The following ADD3 variants were observed in gnomAD, a reference collection of about 807,000 sequenced individuals.
ADD3 encodes gamma-adducin.
A neutral mutation model predicts 80.2 loss-of-function variants in ADD3; 25 were observed. That is an observed-to-expected ratio of 0.31 (90% confidence interval 0.23 to 0.44). The LOEUF (loss-of-function observed/expected upper bound fraction) is 0.44, where lower values mean the gene tolerates loss of function less well. Among genes scored for constraint, ADD3 ranks in the 20% least tolerant of loss-of-function variants. ADD3 has a pLI of 1.00. For missense variants in ADD3, 829 were observed against 847.5 expected, an observed-to-expected ratio of 0.98 and a Z score of 0.27; for synonymous variants, 284 against 289.6, an observed-to-expected ratio of 0.98 and a Z score of 0.20.
chr10:110,070,942 GGT>G lies in ADD3; in HGVS notation c.-29-29682_-29-29681del, dbSNP rs200983852. ...AGTAGGCCTACAAACACATCATGTGGGTTTTTTTTTTTGTTTGTTTTTAGTTT... is the reference window on the plus strand; with the variant it reads ...AGTAGGCCTACAAACACATCATGTGGTTTTTTTTTTGTTTGTTTTTAGTTT... On this transcript the variant is annotated intron_variant, in intron 1 of 14. Coordinates refer to ENST00000356080, the MANE Select transcript of ADD3 (RefSeq NM_016824.5). 4.3e-3 allele frequency among the ~76,000 whole-genome samples: 351 copies of G among 82,072 alleles called. 4 individuals carry two copies. The African/African-American group carries it at 0.054, about 13-fold the overall frequency. 53.8% of individuals were successfully genotyped at this position (82,072 alleles called of 152,430 possible). A position where few individuals can be genotyped will look rare whatever the true frequency, so the allele number is the denominator to read the frequency against.
chr10:110,072,040 A>G (rs1041951892), intron 1 of ADD3, among the ~76,000 whole-genome samples: 12 of 152,186 alleles, frequency 7.9e-5, no homozygotes, highest in African/African-American at 2.9e-4. Flanking sequence ...AAGGGACATT[A>G]TTCATTTACC....
intron 1 of ADD3, among the ~76,000 whole-genome samples, chr10:110,015,058 A>G (rs1258892921): frequency 6.6e-6 from 1 of 152,030 alleles, no homozygotes; most frequent in Non-Finnish European, 1.5e-5. Flanking sequence ...TATTTTTAGT[A>G]GAGATGGGGT....
chr10:109,998,344 T>G (rs1373244332), intron 1 of ADD3, among the ~76,000 whole-genome samples: 1 of 152,174 alleles, frequency 6.6e-6, no homozygotes, highest in Non-Finnish European at 1.5e-5. Flanking sequence ...ACTCAACTCA[T>G]GTACTCCATC....
chr10:110,069,583 T>C (rs913550325), intron 1 of ADD3, among the ~76,000 whole-genome samples: 1 of 152,220 alleles, frequency 6.6e-6, no homozygotes, highest in Middle Eastern at 3.4e-3. Context: ...CCATTAAATC[T>C]ACCTTGCTTA....
chr10:110,046,619 A>G (rs1234891809), intron 1 of ADD3, among the ~76,000 whole-genome samples: 2 of 152,208 alleles, frequency 1.3e-5, no homozygotes, highest in Non-Finnish European at 2.9e-5. Flanking sequence ...AGCCAAGGGT[A>G]TTCAAATTCT....
At chr10:110,100,081 G>T (rs1236071750) in intron 1 of ADD3, among the ~76,000 whole-genome samples, 1 of 152,166 alleles carries the variant, frequency 6.6e-6, no homozygotes, top group East Asian at 1.9e-4. Flanking sequence ...GGGCACAGTG[G>T]CTCATGCCTA....
chr10:110,044,613 A>G (rs958153619), intron 1 of ADD3, among the ~76,000 whole-genome samples: 2 of 152,262 alleles, frequency 1.3e-5, no homozygotes, highest in African/African-American at 4.8e-5. Flanking sequence ...TATTTCAGAT[A>G]CAGTTAGTGA....
intron 4 of ADD3, among the ~76,000 whole-genome samples, chr10:110,116,828 T>G (rs1404552299): frequency 6.6e-6 from 1 of 152,264 alleles, no homozygotes; most frequent in African/African-American, 2.4e-5. Context: ...ATTTTTATTT[T>G]GCCACACTTG....
intron 1 of ADD3, among the ~76,000 whole-genome samples, chr10:110,099,137 C>T (rs926026882): frequency 1.3e-5 from 2 of 149,254 alleles, no homozygotes; most frequent in Non-Finnish European, 3.0e-5. Flanking sequence ...CTATGTTGCC[C>T]AGGTTGATCT....
chr10:110,086,562 C>G (rs1378361119), intron 1 of ADD3, among the ~76,000 whole-genome samples: 1 of 152,068 alleles, frequency 6.6e-6, no homozygotes, highest in Non-Finnish European at 1.5e-5. Flanking sequence ...AGTACCATCC[C>G]CCTAGTGCTA....
At chr10:110,075,469 CTGAA>C (rs1845283462) in intron 1 of ADD3, 1 of 152,140 alleles carries the variant, frequency 6.6e-6, no homozygotes, top group Non-Finnish European at 1.5e-5. Context: ...GCTTGTGTCT[CTGAA>C]TGTGCAGTAT....
At chr10:109,997,332 G>T (rs1851400340) in intron 1 of ADD3, among the ~76,000 whole-genome samples, 1 of 152,196 alleles carries the variant, frequency 6.6e-6, no homozygotes, top group African/African-American at 2.4e-5. Context: ...CTGCAGCAAT[G>T]AGGTAAAAAA....
intron 1 of ADD3, among the ~76,000 whole-genome samples, chr10:110,078,191 A>G (rs565294420): frequency 7.9e-5 from 12 of 152,112 alleles, no homozygotes; most frequent in African/African-American, 2.9e-4. Flanking sequence ...CAGGTGTGGT[A>G]TCATAGCAAA....
At chr10:110,041,918 T>TC (rs1190367439) in intron 1 of ADD3, among the ~76,000 whole-genome samples, 2 of 152,048 alleles carry the variant, frequency 1.3e-5, no homozygotes, top group Non-Finnish European at 2.9e-5. Flanking sequence ...CCATGGATTC[T>TC]CCCCCCAAAA....
intron 1 of ADD3, among the ~76,000 whole-genome samples, chr10:110,029,526 T>C (rs1854737994): frequency 6.6e-6 from 1 of 152,216 alleles, no homozygotes; most frequent in Non-Finnish European, 1.5e-5. Context: ...GAGATATTTA[T>C]TTGAAAATTT....
intron 1 of ADD3, among the ~76,000 whole-genome samples, chr10:110,065,538 C>CTTTTTTTTTTTTTTT (rs1843804683): frequency 1.6e-3 from 19 of 11,740 alleles, no homozygotes; most frequent in East Asian, 0.011. Context: ...CTCTCTCTCC[C>CTTTTTTTTTTTTTTT]CTTTTTTTTT....
At chr10:110,073,394 G>A (rs1286225490) in intron 1 of ADD3, among the ~76,000 whole-genome samples, 9 of 151,930 alleles carry the variant, frequency 5.9e-5, no homozygotes, top group Non-Finnish European at 1.0e-4. Flanking sequence ...CACCCGCCTC[G>A]GCCTCCCAAA....
intron 1 of ADD3, among the ~76,000 whole-genome samples, chr10:110,056,218 A>T (rs1858175636): frequency 6.6e-6 from 1 of 152,234 alleles, no homozygotes; most frequent in African/African-American, 2.4e-5. Context: ...ATAGGTTCTG[A>T]TGATGCTCAA....
rs1853534808 is a variant in ADD3 at position 110,135,480 on chromosome 10, G to GA, written c.*1867dup. 6.6e-6 allele frequency: 1 copy of GA among 152,542 alleles called. No individual in the cohort carries two copies. Among genetic ancestry groups the GA allele is most frequent in the Admixed American group, 6.5e-5 (1 of 15,274 alleles). 9.4% of individuals were successfully genotyped at this position (152,542 alleles called of 1,614,324 possible). On this transcript the variant is annotated 3_prime_UTR_variant, in exon 15 of 15. Coordinates refer to ENST00000356080, the MANE Select transcript of ADD3 (RefSeq NM_016824.5). ...AGCCAATGAACCTCTGTGTCCTGTG[G>GA]AAAAATGTATAAATGTTATCTGATA... is the stretch of plus-strand genomic sequence containing the variant.
Sources: allele counts gnomAD v4.1 joint callset (sites outside exome capture counted in the v4.1 genomes callset), GRCh38; gene constraint gnomAD v4.1.1; transcripts MANE v1.5; gene names NCBI Gene and HGNC (gene_info 2026-07-23, HGNC 2026-07-21).